The following CDON variants were observed in gnomAD, a reference collection of about 807,000 sequenced individuals.
The protein encoded by CDON is cell adhesion molecule-related/down-regulated by oncogenes.
Under a neutral mutation model 120.9 loss-of-function variants are expected in CDON, and 73 were observed. That is an observed-to-expected ratio of 0.60 (90% CI 0.50 to 0.73). CDON has a LOEUF of 0.73. CDON is among the 30% of genes least tolerant of loss of function. The pLI is 0.00. For synonymous variants in CDON, 566 were observed against 573.5 expected, an observed-to-expected ratio of 0.99 and a Z score of 0.19; for missense variants, 1,470 against 1,587.3, an observed-to-expected ratio of 0.93 and a Z score of 1.26.
chr11:125,960,792 T>C lies in CDON; in HGVS notation c.*150A>G. ...AAATAATATAAAAGGGCACACGTTT[T>C]AAGATACATTCATATGACATTACTA... On this transcript the variant is annotated 3_prime_UTR_variant, in exon 20 of 20. Transcript: ENST00000531738. The C allele has an allele frequency of 2.6e-6, 2 of 756,344 alleles. No homozygotes were observed. The highest frequency in any genetic ancestry group is 4.6e-6 in the Non-Finnish European group (2 of 430,862). 46.9% of individuals were successfully genotyped at this position (756,344 alleles called of 1,614,324 possible). A position where few individuals can be genotyped will look rare whatever the true frequency, so the allele number is the denominator to read the frequency against.
chr11:126,051,938 C>T (rs1200647309), intron 1 of CDON, among the ~76,000 whole-genome samples: 5 of 152,074 alleles, frequency 3.3e-5, no homozygotes, highest in Non-Finnish European at 7.4e-5. Context: ...CATGAACCAC[C>T]GCACCTGGCC....
At chr11:126,018,711 G>C (rs1361329208) in intron 4 of CDON, among the ~76,000 whole-genome samples, 1 of 152,088 alleles carries the variant, frequency 6.6e-6, no homozygotes, top group Non-Finnish European at 1.5e-5. Flanking sequence ...TGGGACTACA[G>C]GTGCATGCCA....
chr11:125,979,994 T>G (rs958251821), intron 17 of CDON, among the ~76,000 whole-genome samples: 1 of 152,212 alleles, frequency 6.6e-6, no homozygotes, highest in African/African-American at 2.4e-5. Context: ...TAGATTTTAA[T>G]AAATCTTTAA....
At position 125,958,518 on chromosome 11, in the gene CDON, G is replaced by A. The variant is rs1945545082; in HGVS notation, c.*2424C>T. On this transcript the variant is annotated 3_prime_UTR_variant, in exon 20 of 20. Transcript: ENST00000531738. ...GGCAGAGCCAACTCACGCTTAGGGA[G>A]AACTCATACCGCCTAAATATAAAGG... 6.7e-6 allele frequency: 1 copy of A among 150,120 alleles called. No individual in the cohort carries two copies. The highest frequency in any genetic ancestry group is 1.5e-5 in the Non-Finnish European group (1 of 67,784). The allele number at this position is 150,120 out of a possible 1,614,324, so 9.3% of individuals were successfully genotyped here.
intron 16 of CDON, 29 bp from the exon 17 acceptor site, chr11:125,981,358 ACG>A: frequency 1.5e-6 from 2 of 1,363,114 alleles, no homozygotes; most frequent in Non-Finnish European, 2.1e-6. Flanking sequence ...AAAGACACAC[ACG>A]CACACACACA....
At chr11:126,058,548 G>T (rs956408151) in intron 1 of CDON, among the ~76,000 whole-genome samples, 3 of 152,200 alleles carry the variant, frequency 2.0e-5, no homozygotes, top group Non-Finnish European at 4.4e-5. Context: ...GGCTACATGG[G>T]AGTAGGACGG....
In CDON at chr11:125,989,616, GAAA is replaced by G. The variant is rs761666312; in HGVS notation, c.2773+18_2773+20del. On this transcript the variant is annotated intron_variant, in intron 15 of 19. Coordinates refer to ENST00000531738, the MANE Select transcript of CDON (RefSeq NM_001378964.1). The stretch of plus-strand genomic sequence containing the variant: ...GGTTGGAATTCTATCACTGTCCAGG[GAAA>G]AGCAAAAATTCTCCTACCTTTAGTC... 1 of 1,610,004 alleles carries G rather than the reference GAAA, an allele frequency of 6.2e-7. No homozygotes were observed. Among genetic ancestry groups the G allele is most frequent in the Admixed American group, 1.7e-5 (1 of 59,938 alleles).
chr11:126,045,689 G>A (rs12790730), intron 1 of CDON, among the ~76,000 whole-genome samples: 56 of 151,962 alleles, frequency 3.7e-4, no homozygotes, highest in Admixed American at 1.2e-3. Flanking sequence ...TCACACATTC[G>A]GCTGGGCACA....
chr11:126,049,882 T>C (rs573566254), intron 1 of CDON, among the ~76,000 whole-genome samples: 37 of 152,282 alleles, frequency 2.4e-4, no homozygotes, highest in African/African-American at 7.9e-4. Context: ...AAGACACAAA[T>C]AACGAACTAA....
In CDON at chr11:126,013,421, T is replaced by C. The variant is rs556436856; in HGVS notation, c.1198+1820A>G. Among the ~76,000 whole-genome samples, 3 of 152,332 alleles carry C rather than the reference T, an allele frequency of 2.0e-5. No homozygotes were observed. The South Asian group carries it at 6.2e-4, about 32-fold the overall frequency. On this transcript the variant is annotated intron_variant, in intron 7 of 19. Coordinates refer to ENST00000531738, the MANE Select transcript of CDON (RefSeq NM_001378964.1). ...ACTTCGAAGTTTGGTAGAACCTCCA[T>C]AAAATCATCTGGCCCCTTATTTTCT... is the stretch of plus-strand genomic sequence containing the variant.
intron 18 of CDON, among the ~76,000 whole-genome samples, chr11:125,974,340 TGTAGGTAGGTAG>T (rs143014617): frequency 1.5e-4 from 18 of 123,442 alleles, no homozygotes; most frequent in Admixed American, 2.8e-4. Flanking sequence ...AGCAAACATT[TGTAGGTAGGTAG>T]GTAGGTAGGT....
intron 18 of CDON, among the ~76,000 whole-genome samples, chr11:125,963,228 C>G (rs1458464432): frequency 1.3e-5 from 2 of 152,100 alleles, no homozygotes; most frequent in African/African-American, 4.8e-5. Flanking sequence ...TTCAAATTAT[C>G]CAGATTTTAT....
chr11:125,978,586 A>G (rs1037996935), intron 17 of CDON, among the ~76,000 whole-genome samples: 1 of 152,236 alleles, frequency 6.6e-6, no homozygotes, highest in Non-Finnish European at 1.5e-5. Flanking sequence ...AGAGTTCTGC[A>G]TTAGATTTAA....
intron 5 of CDON, among the ~76,000 whole-genome samples, chr11:126,017,753 A>G (rs1183218367): frequency 6.6e-6 from 1 of 150,634 alleles, no homozygotes; most frequent in African/African-American, 2.4e-5. Flanking sequence ...AATGACCACT[A>G]CTATAAAGCT....
At chr11:125,996,343 G>A (rs1399798729) in intron 12 of CDON, among the ~76,000 whole-genome samples, 1 of 152,098 alleles carries the variant, frequency 6.6e-6, no homozygotes, top group Non-Finnish European at 1.5e-5. Context: ...AGTTTGTGAA[G>A]AATTTTTAAT....
At chr11:126,012,734 T>C (rs772983741) in intron 7 of CDON, among the ~76,000 whole-genome samples, 13 of 152,136 alleles carry the variant, frequency 8.5e-5, no homozygotes, top group Admixed American at 5.2e-4. Flanking sequence ...TGTTCATTGG[T>C]CTTCATCCAT....
At position 125,974,130 on chromosome 11, in the gene CDON, A is replaced by G. The variant is rs376242900; in HGVS notation, c.3356+4174T>C. On this transcript the variant is annotated intron_variant, in intron 18 of 19. Coordinates refer to ENST00000531738, the MANE Select transcript of CDON (RefSeq NM_001378964.1). ...AGGTTGGTCTCAAACTCCTGACCTC[A>G]GGTGATCCGCCCGCCATAGCCTCCC... 5.1e-4 allele frequency among the ~76,000 whole-genome samples: 78 copies of G among 151,738 alleles called. 1 individual carries two copies. The highest frequency in any genetic ancestry group is 1.7e-3 in the African/African-American group (71 of 41,452).
intron 1 of CDON, among the ~76,000 whole-genome samples, chr11:126,061,390 C>A (rs1948791379): frequency 6.6e-6 from 1 of 152,164 alleles, no homozygotes; most frequent in African/African-American, 2.4e-5. Context: ...TGAAGGTTTT[C>A]TTTCATCTTA....
At chr11:126,006,945 T>C (rs1008488171) in intron 8 of CDON, among the ~76,000 whole-genome samples, 2 of 151,978 alleles carry the variant, frequency 1.3e-5, no homozygotes, top group Non-Finnish European at 2.9e-5. Flanking sequence ...GTTGAAGAAA[T>C]TAAGGTTCAG....
Sources: allele counts gnomAD v4.1 joint callset (sites outside exome capture counted in the v4.1 genomes callset), GRCh38; gene constraint gnomAD v4.1.1; transcripts MANE v1.5; gene names NCBI Gene and HGNC (gene_info 2026-07-23, HGNC 2026-07-21).